CALD1: variants seen among roughly 807,000 people sequenced by gnomAD.
CALD1 encodes the protein caldesmon.
In CALD1, 33 loss-of-function variants were observed where a neutral mutation model predicts 99.9. That is an observed-to-expected ratio of 0.33 (90% CI 0.25 to 0.44). CALD1 has a LOEUF of 0.44. Ranked by LOEUF, CALD1 falls within the 20% of genes least tolerant of loss-of-function variation. The pLI is 1.00. For synonymous variants in CALD1, 310 were observed against 325.0 expected (o/e 0.95, Z 0.50); for missense variants, 861 against 962.1 (o/e 0.89, Z 1.39).
chr7:134,747,958 G>C (rs1585895999), intron 1 of CALD1, among the ~76,000 whole-genome samples: 1 of 152,214 alleles, frequency 6.6e-6, no homozygotes. Context: ...CAAACAGAGA[G>C]AGCTGTGCCA....
At chr7:134,847,535 T>G (rs1768800124) in intron 2 of CALD1, among the ~76,000 whole-genome samples, 1 of 152,148 alleles carries the variant, frequency 6.6e-6, no homozygotes, top group African/African-American at 2.4e-5. Context: ...ATAGTCCAGA[T>G]TTGGTTAAGG....
chr7:134,822,626 T>A (rs1798826868), intron 1 of CALD1, among the ~76,000 whole-genome samples: 1 of 152,218 alleles, frequency 6.6e-6, no homozygotes, highest in Admixed American at 6.5e-5. Flanking sequence ...TCTGAGTGAA[T>A]GCTAACACTC....
upstream of CALD1, among the ~76,000 whole-genome samples, chr7:134,740,132 C>T (rs1796580953): frequency 6.6e-6 from 1 of 152,110 alleles, no homozygotes; most frequent in Non-Finnish European, 1.5e-5. Flanking sequence ...CTTGAACAAT[C>T]ATACCCAAAA....
At chr7:134,908,939 T>G (rs1027706511) in intron 3 of CALD1, among the ~76,000 whole-genome samples, 1 of 152,172 alleles carries the variant, frequency 6.6e-6, no homozygotes, top group African/African-American at 2.4e-5. Flanking sequence ...TCTAGACACA[T>G]GGGTATTGTT....
chr7:134,968,430 G>C lies in CALD1; in HGVS notation c.*85G>C, dbSNP rs1584702613. On this transcript the variant is annotated 3_prime_UTR_variant, in exon 15 of 15. Transcript: ENST00000361675. ...ATTCGCTCTGTTTTGTATTTATGTT[G>C]ATTTACTAAATTGGGTTCATTATCT... is the stretch of plus-strand genomic sequence containing the variant. The C allele has an allele frequency of 8.3e-7, 1 of 1,202,972 alleles. No homozygotes were observed. Among genetic ancestry groups the C allele is most frequent in the East Asian group, 2.3e-5 (1 of 42,962 alleles). 74.5% of individuals were successfully genotyped at this position (1,202,972 alleles called of 1,614,324 possible).
intron 1 of CALD1, among the ~76,000 whole-genome samples, chr7:134,802,864 C>T (rs948936205): frequency 1.4e-4 from 22 of 152,298 alleles, no homozygotes; most frequent in East Asian, 3.9e-4. Context: ...TACCTTTTTC[C>T]GTGTTTGTGT....
intron 7 of CALD1, among the ~76,000 whole-genome samples, chr7:134,945,302 T>C (rs898064080): frequency 2.6e-5 from 4 of 152,216 alleles, no homozygotes; most frequent in Admixed American, 2.0e-4. Context: ...ACCTAGACTG[T>C]AGAAACTCTA....
chr7:134,757,566 T>A (rs1796740405), intron 1 of CALD1, among the ~76,000 whole-genome samples: 1 of 152,152 alleles, frequency 6.6e-6, no homozygotes, highest in Non-Finnish European at 1.5e-5. Flanking sequence ...AGAGTTCAAA[T>A]GGTCTCCTGT....
chr7:134,960,073 G>A lies in CALD1; in HGVS notation c.2161G>A (p.Val721Met). Residue 721 changes from valine (V) to methionine (M), a missense_variant, in exon 12 of 15, where the codon GTG becomes ATG. Physicochemically the swap from Val to Met is conservative, Grantham distance 21. Around this residue, in one of 5 missense-constraint regions of CALD1, gnomAD observed 190 missense variants for 249.0 expected, o/e 0.76. Transcript: ENST00000361675. ...CAAGAGTATGTGGGAGAAAGGGAAT[G>A]TGTTTTCATCCCCCACTGCAGCAGG... ...NIKSMWEKGN[V>M]FSSPTAAGTP... The A allele has an allele frequency of 2.5e-6, 4 of 1,614,130 alleles. No homozygotes were observed. The highest frequency in any genetic ancestry group is 3.4e-6 in the Non-Finnish European group (4 of 1,179,984).
the CALD1 span, among the ~76,000 whole-genome samples, chr7:134,737,861 A>G: frequency 3.3e-5 from 5 of 152,228 alleles, no homozygotes; most frequent in African/African-American, 1.2e-4. Context: ...GCCAGGGACC[A>G]GTTTTTACAT....
chr7:134,940,218 A>C (rs1806320346), intron 6 of CALD1, among the ~76,000 whole-genome samples: 1 of 152,210 alleles, frequency 6.6e-6, no homozygotes, highest in Non-Finnish European at 1.5e-5. Context: ...GATATAAGTG[A>C]AGTGATTTGA....
At chr7:134,942,661 C>T (rs1806542511) in intron 7 of CALD1, among the ~76,000 whole-genome samples, 1 of 152,070 alleles carries the variant, frequency 6.6e-6, no homozygotes, top group Non-Finnish European at 1.5e-5. Flanking sequence ...TTTTAAAGCC[C>T]TAGAATAGTG....
intron 1 of CALD1, among the ~76,000 whole-genome samples, chr7:134,814,486 G>A (rs1283791496): frequency 6.6e-6 from 1 of 152,130 alleles, no homozygotes; most frequent in East Asian, 1.9e-4. Context: ...GTAGTGGTGA[G>A]ACTGGGACTG....
chr7:134,745,026 G>T (rs1476726061), intron 1 of CALD1, among the ~76,000 whole-genome samples: 3 of 152,092 alleles, frequency 2.0e-5, no homozygotes, highest in Non-Finnish European at 4.4e-5. Context: ...CAAGATTTAG[G>T]ATAGATTTCA....
intron 6 of CALD1, among the ~76,000 whole-genome samples, chr7:134,939,335 G>A (rs546670072): frequency 6.6e-6 from 1 of 152,262 alleles, no homozygotes; most frequent in South Asian, 2.1e-4. Context: ...TGGTCCAACC[G>A]CATTTTTTCA....
At chr7:134,763,996 A>G (rs17168027) in intron 1 of CALD1, among the ~76,000 whole-genome samples, 4,826 of 152,028 alleles carry the variant, frequency 0.032, 234 homozygotes, top group African/African-American at 0.11. Flanking sequence ...GCCCTTAGCC[A>G]TACTTAGGTG....
chr7:134,857,982 A>G (rs1027881666), intron 2 of CALD1, among the ~76,000 whole-genome samples: 1 of 152,142 alleles, frequency 6.6e-6, no homozygotes, highest in African/African-American at 2.4e-5. Context: ...CCTACTTTAT[A>G]TTAGCAAGAT....
the CALD1 span, among the ~76,000 whole-genome samples, chr7:134,727,407 A>C: frequency 6.6e-6 from 1 of 152,224 alleles, no homozygotes; most frequent in Non-Finnish European, 1.5e-5. Flanking sequence ...TAACAAATGG[A>C]GTTTTAAAGA....
At chr7:134,945,997 C>A (rs1272788497) in intron 7 of CALD1, among the ~76,000 whole-genome samples, 1 of 152,146 alleles carries the variant, frequency 6.6e-6, no homozygotes, top group Non-Finnish European at 1.5e-5. Context: ...CCATTCCCAG[C>A]GCCTGAACCT....
Sources: allele counts gnomAD v4.1 joint callset (sites outside exome capture counted in the v4.1 genomes callset), GRCh38; gene constraint gnomAD v4.1.1; regional missense constraint gnomAD v4.1.1; transcripts MANE v1.5; gene names NCBI Gene and HGNC (gene_info 2026-07-23, HGNC 2026-07-21).